The following HSPB6 variants were observed in gnomAD, a reference collection of about 807,000 sequenced individuals.
HSPB6 encodes the protein heat shock protein beta-6.
HSPB6 carries 8 observed loss-of-function variants against 10.7 expected under a neutral mutation model. That is an observed-to-expected ratio of 0.75 (90% confidence interval 0.44 to 1.35). The LOEUF is 1.35. Ranked by LOEUF, HSPB6 falls within the 40% of genes most tolerant of loss-of-function variation. The pLI, the probability that HSPB6 is intolerant of heterozygous loss-of-function variation, is 0.00. For missense variants in HSPB6, 232 were observed against 236.0 expected (o/e 0.98, Z 0.11); for synonymous variants, 128 against 114.2 (o/e 1.12, Z -0.77).
Position 35,754,730 on chromosome 19 carries a change from A to C in HSPB6, c.*792T>G. On this transcript the variant is annotated 3_prime_UTR_variant, in exon 3 of 3. Coordinates refer to ENST00000004982, the MANE Select transcript of HSPB6 (RefSeq NM_144617.3). ...GGTTGCCGAGGATATCTGGTTGAAG[A>C]CTTGGGGGTCAAGACAAAGGGACTT... The C allele has an allele frequency of 1.8e-6, 1 of 541,724 alleles. No homozygotes were observed. 33.6% of individuals were successfully genotyped at this position (541,724 alleles called of 1,614,324 possible). A position where few individuals can be genotyped will look rare whatever the true frequency, so the allele number is the denominator to read the frequency against.
Position 35,754,802 on chromosome 19 carries a change from CG to C in HSPB6, c.*719del. On this transcript the variant is annotated 3_prime_UTR_variant, in exon 3 of 3. Coordinates refer to ENST00000004982, the MANE Select transcript of HSPB6 (RefSeq NM_144617.3). ...AGTTGGGGAGGGGGCCTAGGACATCCGTGCAGAGTCTGGGGAGGTTGGGGTG... is the reference window on the plus strand; with the variant it reads ...AGTTGGGGAGGGGGCCTAGGACATCCTGCAGAGTCTGGGGAGGTTGGGGTG... 2 of 420,424 alleles carry C rather than the reference CG, an allele frequency of 4.8e-6. No individual in the cohort carries two copies. Among genetic ancestry groups the C allele is most frequent in the Non-Finnish European group, 4.4e-6 (1 of 225,330 alleles). The allele number at this position is 420,424 out of a possible 1,614,324, so 26.0% of individuals were successfully genotyped here. A position where few individuals can be genotyped will look rare whatever the true frequency, so the allele number is the denominator to read the frequency against.
chr19:35,756,058 T>A (rs1002846349), intron 1 of HSPB6, among the ~76,000 whole-genome samples, 164 bp from the exon 2 acceptor site: 5 of 152,050 alleles, frequency 3.3e-5, no homozygotes, highest in African/African-American at 1.2e-4. Context: ...CTCTTCACCC[T>A]GAACAACAGG....
chr19:35,755,265 A>C lies in HSPB6; in HGVS notation c.*257T>G. On this transcript the variant is annotated 3_prime_UTR_variant, in exon 3 of 3. Transcript: ENST00000004982. Reference sequence around the variant, plus strand: ...GAGACTGTCGGCTGAGGGTTAGGGTAGTGCTGGTAGGGTCTGGAAGCCGGG... The same window carrying C: ...GAGACTGTCGGCTGAGGGTTAGGGTCGTGCTGGTAGGGTCTGGAAGCCGGG... 4.7e-6 allele frequency: 3 copies of C among 637,750 alleles called. No homozygotes were observed. The highest frequency in any genetic ancestry group is 3.1e-5 in the East Asian group (1 of 32,724). The allele number at this position is 637,750 out of a possible 1,614,324, so 39.5% of individuals were successfully genotyped here.
rs1222358797 is a variant in HSPB6 at position 35,756,841 on chromosome 19, G to A, written c.168C>T (p.Arg56=). The A allele has an allele frequency of 2.0e-6, 3 of 1,536,954 alleles. No homozygotes were observed. The highest frequency in any genetic ancestry group is 1.4e-5 in the African/African-American group (1 of 72,976). Residue 56 remains arginine, a synonymous_variant, in exon 1 of 3, where the codon CGC becomes CGT. Transcript: ENST00000004982. ...CPTTLAPYYL[R]APSVALPVAQ... ...CGACGGGCAGCGCCACGCTGGGTGC[G>A]CGCAGGTAGTAGGGGGCGAGCGTGG...
In HSPB6 at chr19:35,756,823, C is replaced by G. The variant is rs1182440932; in HGVS notation, c.186G>C (p.Leu62=). ...CCAGGCCTGGCACCTGGGCGACGGGCAGCGCCACGCTGGGTGCGCGCAGGT... is the reference window on the plus strand; with the variant it reads ...CCAGGCCTGGCACCTGGGCGACGGGGAGCGCCACGCTGGGTGCGCGCAGGT... ...PYYLRAPSVA[L]PVAQVPTDPG... Residue 62 remains leucine, a synonymous_variant, in exon 1 of 3, where the codon CTG becomes CTC. Coordinates refer to ENST00000004982, the MANE Select transcript of HSPB6 (RefSeq NM_144617.3). The G allele has an allele frequency of 1.3e-6, 2 of 1,536,020 alleles. No individual in the cohort carries two copies. Among genetic ancestry groups the G allele is most frequent in the African/African-American group, 2.7e-5 (2 of 72,972 alleles).
At chr19:35,756,024 C>T in intron 1 of HSPB6, 130 bp from the exon 2 acceptor site, 2 of 1,336,238 alleles carry the variant, frequency 1.5e-6, no homozygotes, top group Non-Finnish European at 2.0e-6. Flanking sequence ...GCAGTCAGCT[C>T]TCCTACTGGG....
intron 1 of HSPB6, among the ~76,000 whole-genome samples, chr19:35,756,268 A>G (rs941432690): frequency 6.6e-6 from 1 of 152,146 alleles, no homozygotes; most frequent in South Asian, 2.1e-4. Flanking sequence ...AAACTCGCCA[A>G]GATGCCCCTT....
intron 1 of HSPB6, 54 bp from the exon 2 acceptor site, chr19:35,755,948 A>AC (rs1280539732): frequency 5.9e-6 from 9 of 1,534,410 alleles, no homozygotes; most frequent in Non-Finnish European, 7.9e-6. Context: ...AGGCTCCAGG[A>AC]CCCACCCAGG....
At chr19:35,755,730 G>T in intron 2 of HSPB6, 42 bp downstream of exon 2, 1 of 1,529,212 alleles carries the variant, frequency 6.5e-7, no homozygotes, top group African/African-American at 1.4e-5. Context: ...CGGCCCGGCG[G>T]CGAGCGTACC....
intron 2 of HSPB6, 27 bp from the exon 3 acceptor site, chr19:35,755,710 CCCGCCCCT>C (rs1568403606): frequency 6.6e-7 from 1 of 1,524,430 alleles, no homozygotes; most frequent in South Asian, 1.2e-5. Context: ...CTTGAGCGGC[CCCGCCCCT>C]CCGGCCCGGC....
At position 35,757,020 on chromosome 19, in the gene HSPB6, G is replaced by T. The variant is rs769686035; in HGVS notation, c.-12C>A. ...ACAGGGATCTCCATCCTGCTCCTCC[G>T]CGTTGCAGTGCCCCTGCGTGCGCAG... On this transcript the variant is annotated 5_prime_UTR_variant, in exon 1 of 3. Coordinates refer to ENST00000004982, the MANE Select transcript of HSPB6 (RefSeq NM_144617.3). The T allele has an allele frequency of 2.6e-6, 4 of 1,545,440 alleles. No individual in the cohort carries two copies. The highest frequency in any genetic ancestry group is 1.2e-5 in the South Asian group (1 of 84,044).
chr19:35,756,218 C>T (rs1194596919), intron 1 of HSPB6, among the ~76,000 whole-genome samples: 1 of 152,086 alleles, frequency 6.6e-6, no homozygotes, highest in Non-Finnish European at 1.5e-5. Context: ...TCCCCAGCTC[C>T]CTCCTCAGAG....
At position 35,756,952 on chromosome 19, in the gene HSPB6, C is replaced by G. The variant is rs912589768; in HGVS notation, c.57G>C (p.Leu19Phe). ...GGCGTCCGGGCGCCGAAAGTCCGGG[C>G]AACGGGGCCGAGGCGCGGCGCAGCC... ...PSWLRRASAP[L>F]PGLSAPGRLF... Residue 19 changes from leucine (L) to phenylalanine (F), a missense_variant, in exon 1 of 3, where the codon TTG becomes TTC. Physicochemically the swap from Leu to Phe is conservative, Grantham distance 22 (BLOSUM62 0). Coordinates refer to ENST00000004982, the MANE Select transcript of HSPB6 (RefSeq NM_144617.3). 7.1e-6 allele frequency: 11 copies of G among 1,544,362 alleles called. No individual in the cohort carries two copies. The highest frequency in any genetic ancestry group is 8.7e-6 in the Non-Finnish European group (10 of 1,146,566).
intron 1 of HSPB6, among the ~76,000 whole-genome samples, 158 bp downstream of exon 1, chr19:35,756,653 G>T (rs1392003871): frequency 1.3e-5 from 2 of 151,880 alleles, no homozygotes. Flanking sequence ...TGCAGTGTGC[G>T]GGCCTCAGAT....
chr19:35,755,390 G>A lies in HSPB6; in HGVS notation c.*132C>T, dbSNP rs1182065864. 5.4e-6 allele frequency: 5 copies of A among 924,974 alleles called. No homozygotes were observed. Among genetic ancestry groups the A allele is most frequent in the Non-Finnish European group, 8.4e-6 (5 of 591,800 alleles). The allele number at this position is 924,974 out of a possible 1,614,324, so 57.3% of individuals were successfully genotyped here. ...AAGGCAGTGTCCAGGATGGAGGTCA[G>A]GGCAGAATCCAGGAGTGGGTGAGAG... is the stretch of plus-strand genomic sequence containing the variant. On this transcript the variant is annotated 3_prime_UTR_variant, in exon 3 of 3. Transcript: ENST00000004982.
Position 35,754,809 on chromosome 19 carries a change from A to G in HSPB6, c.*713T>C, listed in dbSNP as rs1970732605. ...GAGGGGGCCTAGGACATCCGTGCAG[A>G]GTCTGGGGAGGTTGGGGTGGGAGAG... is the stretch of plus-strand genomic sequence containing the variant. On this transcript the variant is annotated 3_prime_UTR_variant, in exon 3 of 3. Coordinates refer to ENST00000004982, the MANE Select transcript of HSPB6 (RefSeq NM_144617.3). 2 of 405,488 alleles carry G rather than the reference A, an allele frequency of 4.9e-6. No individual in the cohort carries two copies. The highest frequency in any genetic ancestry group is 9.2e-6 in the Non-Finnish European group (2 of 217,458). The allele number at this position is 405,488 out of a possible 1,614,324, so 25.1% of individuals were successfully genotyped here.
rs991915216 is a variant in HSPB6, at chr19:35,755,309, C to A, written c.*213G>T. The A allele has an allele frequency of 1.5e-6, 1 of 677,986 alleles. No individual in the cohort carries two copies. The highest frequency in any genetic ancestry group is 2.9e-5 in the East Asian group (1 of 34,604). The allele number at this position is 677,986 out of a possible 1,614,324, so 42.0% of individuals were successfully genotyped here. A position where few individuals can be genotyped will look rare whatever the true frequency, so the allele number is the denominator to read the frequency against. On this transcript the variant is annotated 3_prime_UTR_variant, in exon 3 of 3. Coordinates refer to ENST00000004982, the MANE Select transcript of HSPB6 (RefSeq NM_144617.3). ...AGCCGGGGAGTTGTCGGTGTGGGGT[C>A]GGAAAGCTGGAGGGGGTGTGAGAGC...
Position 35,754,936 on chromosome 19 carries a change from C to T in HSPB6, c.*586G>A, listed in dbSNP as rs933903307. 9 of 287,878 alleles carry T rather than the reference C, an allele frequency of 3.1e-5. No individual in the cohort carries two copies. Among genetic ancestry groups the T allele is most frequent in the East Asian group, 9.3e-5 (1 of 10,748 alleles). 17.8% of individuals were successfully genotyped at this position (287,878 alleles called of 1,614,324 possible). A position where few individuals can be genotyped will look rare whatever the true frequency, so the allele number is the denominator to read the frequency against. ...TCTGGTGTGGCTGGCTGGGGTTTCA[C>T]GGCAGAAAATGGGCTGGAGGGGGCA... On this transcript the variant is annotated 3_prime_UTR_variant, in exon 3 of 3. Coordinates refer to ENST00000004982, the MANE Select transcript of HSPB6 (RefSeq NM_144617.3).
chr19:35,756,107 C>G (rs141923354), intron 1 of HSPB6, among the ~76,000 whole-genome samples: 2 of 152,102 alleles, frequency 1.3e-5, no homozygotes, highest in African/African-American at 4.8e-5. Flanking sequence ...ATTGCCCTCT[C>G]CCCCGCAGTG....
Sources: gnomAD v4.1 joint callset for allele counts (sites outside exome capture counted in the v4.1 genomes callset) on GRCh38, gnomAD v4.1.1 for gene constraint, MANE v1.5 for transcripts, NCBI Gene and HGNC (gene_info 2026-07-23, HGNC 2026-07-21) for gene names.